Variants in STXBP6 observed in about 807,000 individuals in gnomAD.
STXBP6 encodes the protein syntaxin binding protein 6.
STXBP6 carries 21 observed loss-of-function variants against 26.9 expected under a neutral mutation model. That is an observed-to-expected ratio of 0.78 (90% CI 0.55 to 1.12). STXBP6 has a LOEUF of 1.12. Among genes scored for constraint, STXBP6 ranks in the 50% most tolerant of loss-of-function variants. The pLI is 0.00. For synonymous variants in STXBP6, 97 were observed against 92.6 expected (o/e 1.05, Z -0.27); for missense variants, 232 against 257.9 (o/e 0.90, Z 0.69).
chr14:24,833,192 G>A (rs976953946), intron 4 of STXBP6, among the ~76,000 whole-genome samples: 13 of 152,142 alleles, frequency 8.5e-5, no homozygotes, highest in African/African-American at 2.9e-4. Context: ...TTACACCAAG[G>A]ATATGAGCAT....
intron 2 of STXBP6, among the ~76,000 whole-genome samples, chr14:24,945,215 T>C (rs899087568): frequency 7.2e-6 from 1 of 139,394 alleles, no homozygotes; most frequent in Non-Finnish European, 1.5e-5. Context: ...GGCAAGTGTG[T>C]TGTAGTGGAC....
intron 2 of STXBP6, among the ~76,000 whole-genome samples, chr14:24,940,900 T>C (rs1202247586): frequency 6.6e-6 from 1 of 152,016 alleles, no homozygotes; most frequent in African/African-American, 2.4e-5. Context: ...CATGCAATCC[T>C]AGCTACTTGG....
In STXBP6 at chr14:25,032,680, CAG is replaced by C. The variant is rs1167967527; in HGVS notation, c.-33+17196_-33+17197del. 2.6e-5 allele frequency among the ~76,000 whole-genome samples: 4 copies of C among 152,190 alleles called. 1 individual carries two copies. The highest frequency in any genetic ancestry group is 2.9e-5 in the Non-Finnish European group (2 of 68,038). ...CAGGAGAACATAAGAACAGATTTCA[CAG>C]AGTCCCTCGATCAATGTAAAATCCT... On this transcript the variant is annotated intron_variant, in intron 1 of 5. Transcript: ENST00000323944.
At chr14:24,882,344 A>G (rs888502060) in intron 2 of STXBP6, among the ~76,000 whole-genome samples, 2 of 116,642 alleles carry the variant, frequency 1.7e-5, no homozygotes, top group Admixed American at 1.1e-4. Flanking sequence ...CCGCCACTGC[A>G]CTCCAGCCTG....
At chr14:24,846,643 G>A (rs934375131) in intron 4 of STXBP6, among the ~76,000 whole-genome samples, 3 of 152,126 alleles carry the variant, frequency 2.0e-5, no homozygotes, top group Non-Finnish European at 2.9e-5. Context: ...CAAGTAACAT[G>A]TCCTGCATTT....
chr14:24,811,050 T>C lies in STXBP6; in HGVS notation c.*1659A>G, dbSNP rs3825590. On this transcript the variant is annotated 3_prime_UTR_variant, in exon 6 of 6. Transcript: ENST00000323944. The stretch of plus-strand genomic sequence containing the variant: ...AAGACACCAAAAAGAAAGTATAAAA[T>C]ATTATAGTTAACTTATACAGTTTAT... 53,787 of 152,004 alleles carry C rather than the reference T, an allele frequency of 0.35. 12,813 individuals are homozygous for C. The highest frequency in any genetic ancestry group is 0.68 in the African/African-American group (28,302 of 41,438). The allele number at this position is 152,004 out of a possible 1,614,324, so 9.4% of individuals were successfully genotyped here.
At chr14:24,930,452 C>A (rs1277225765) in intron 2 of STXBP6, among the ~76,000 whole-genome samples, 1 of 152,118 alleles carries the variant, frequency 6.6e-6, no homozygotes, top group Non-Finnish European at 1.5e-5. Context: ...AAAAGAAATT[C>A]TTTTATGGTG....
intron 4 of STXBP6, among the ~76,000 whole-genome samples, chr14:24,822,084 T>G (rs1396561352): frequency 6.6e-6 from 1 of 152,144 alleles, no homozygotes; most frequent in East Asian, 1.9e-4. Context: ...CCATAGGTTT[T>G]CTTATGGAAA....
intron 1 of STXBP6, among the ~76,000 whole-genome samples, chr14:25,022,462 T>C (rs536924404): frequency 1.3e-5 from 2 of 152,286 alleles, no homozygotes; most frequent in African/African-American, 4.8e-5. Context: ...AATGATTGGC[T>C]CACCCTGGGT....
chr14:24,882,786 T>C (rs2070422491), intron 2 of STXBP6, among the ~76,000 whole-genome samples: 1 of 152,234 alleles, frequency 6.6e-6, no homozygotes, highest in African/African-American at 2.4e-5. Context: ...TAAGTTTATT[T>C]GTTCATATAA....
chr14:24,847,251 T>C (rs2068993783), intron 4 of STXBP6, among the ~76,000 whole-genome samples: 1 of 152,184 alleles, frequency 6.6e-6, no homozygotes, highest in South Asian at 2.1e-4. Flanking sequence ...TTTTAGTTCT[T>C]GATGCTTCTA....
intron 2 of STXBP6, among the ~76,000 whole-genome samples, chr14:24,887,887 A>C (rs939287583): frequency 6.6e-6 from 1 of 152,236 alleles, no homozygotes; most frequent in African/African-American, 2.4e-5. Flanking sequence ...CAGTGAGGGA[A>C]GGAAATTGCT....
intron 2 of STXBP6, chr14:24,878,825 G>C (rs1566437390): frequency 2.2e-6 from 1 of 446,816 alleles, no homozygotes; most frequent in Non-Finnish European, 4.5e-6. Context: ...TGTGTAAACA[G>C]ATTTATGTCA....
At chr14:24,885,702 G>A (rs1262808583) in intron 2 of STXBP6, among the ~76,000 whole-genome samples, 1 of 152,192 alleles carries the variant, frequency 6.6e-6, no homozygotes, top group Non-Finnish European at 1.5e-5. Context: ...TCCTCCTCAT[G>A]CATTCAGTAT....
At chr14:25,002,624 G>C (rs145116448) in intron 1 of STXBP6, among the ~76,000 whole-genome samples, 10,037 of 152,128 alleles carry the variant, frequency 0.066, 395 homozygotes, top group South Asian at 0.15. Context: ...CTCTCAAAGT[G>C]CTGGGATTAC....
chr14:24,854,842 A>G (rs1414029634), intron 4 of STXBP6, among the ~76,000 whole-genome samples: 1 of 152,058 alleles, frequency 6.6e-6, no homozygotes, highest in Admixed American at 6.6e-5. Context: ...TCACTTTTGT[A>G]CCATAGGATG....
intron 1 of STXBP6, among the ~76,000 whole-genome samples, chr14:24,979,481 C>A (rs1285066618): frequency 6.6e-6 from 1 of 152,144 alleles, no homozygotes; most frequent in African/African-American, 2.4e-5. Flanking sequence ...GTTTGGTGAA[C>A]CCAAATAAGT....
intron 1 of STXBP6, among the ~76,000 whole-genome samples, chr14:24,986,136 A>AT (rs1447420226): frequency 2.0e-5 from 3 of 152,008 alleles, no homozygotes; most frequent in Non-Finnish European, 4.4e-5. Flanking sequence ...CTCAGATTAA[A>AT]TTTTTTTTCT....
In STXBP6 at chr14:24,810,865, C is replaced by CTCTCTGTGTG. The variant is rs373068735; in HGVS notation, c.*1843_*1844insCACACAGAGA. ...CCAATTTGGAAAGATAAATACATCT[C>CTCTCTGTGTG]TGTGTGTGTGTGTGTGTGTGTGTGT... On this transcript the variant is annotated 3_prime_UTR_variant, in exon 6 of 6. Coordinates refer to ENST00000323944, the MANE Select transcript of STXBP6 (RefSeq NM_001394410.1). 6.5e-5 allele frequency: 9 copies of CTCTCTGTGTG among 137,570 alleles called. No homozygotes were observed. Among genetic ancestry groups the CTCTCTGTGTG allele is most frequent in the Non-Finnish European group, 9.2e-5 (6 of 64,938 alleles). 8.5% of individuals were successfully genotyped at this position (137,570 alleles called of 1,614,324 possible).
Sources: gnomAD v4.1 joint callset for allele counts (sites outside exome capture counted in the v4.1 genomes callset) on GRCh38, gnomAD v4.1.1 for gene constraint, MANE v1.5 for transcripts, NCBI Gene and HGNC (gene_info 2026-07-23, HGNC 2026-07-21) for gene names.